Variants in POSTN observed in about 807,000 individuals in gnomAD.
POSTN encodes the protein periostin.
A neutral mutation model predicts 104.5 loss-of-function variants in POSTN; 71 were observed. The observed-to-expected ratio is 0.68, with a 90% CI of 0.56 to 0.83. POSTN has a LOEUF of 0.83. Among genes scored for constraint, POSTN ranks in the 40% least tolerant of loss-of-function variants. The pLI is 0.00. For missense variants in POSTN, 949 were observed against 1,006.8 expected (o/e 0.94, Z 0.78); for synonymous variants, 355 against 340.7 (o/e 1.04, Z -0.46).
chr13:37,575,417 T>C lies in POSTN; in HGVS notation c.2009-765A>G, dbSNP rs568465769. 4.8e-4 allele frequency among the ~76,000 whole-genome samples: 73 copies of C among 152,150 alleles called. No individual in the cohort carries two copies. In the South Asian group the frequency reaches 0.014, roughly 30 times the overall value. On this transcript the variant is annotated intron_variant, in intron 16 of 22. Coordinates refer to ENST00000379747, the MANE Select transcript of POSTN (RefSeq NM_006475.3). ...AAGCCTAAACCCCAGCATTACTCAA[T>C]ATATCCATCTATCAAACCTACGTGT...
intron 12 of POSTN, 41 bp from the exon 13 acceptor site, chr13:37,579,400 C>CT: frequency 1.4e-6 from 2 of 1,473,958 alleles, no homozygotes; most frequent in Non-Finnish European, 9.4e-7. Context: ...AATAATATGA[C>CT]TTTTTGATAA....
At chr13:37,573,568 G>C (rs538121670) in intron 17 of POSTN, among the ~76,000 whole-genome samples, 18 of 151,302 alleles carry the variant, frequency 1.2e-4, no homozygotes, top group African/African-American at 4.4e-4. Flanking sequence ...ATAGATAAAA[G>C]TATTCAAGAA....
chr13:37,595,811 CTTT>C (rs5802886), intron 2 of POSTN, among the ~76,000 whole-genome samples: 6 of 137,580 alleles, frequency 4.4e-5, no homozygotes, highest in Non-Finnish European at 4.7e-5. Context: ...TATTTAGTAT[CTTT>C]TTTTTTTTTT....
rs1950495740 is a variant in POSTN at position 37,578,857 on chromosome 13, T to C, written c.1949A>G (p.Tyr650Cys). The change falls in exon 15 of 23, where the codon TAC becomes TGC. Residue 650 changes from tyrosine (Y) to cysteine (C), a missense_variant. By Grantham distance (194) the Tyr-to-Cys change is radical. Transcript: ENST00000379747. ...AACTTTTAGTACCTTAATTTGGATG[T>C]ATTTGATTAATTTATTAAGTATTTC... ...LLEILNKLIKYIQIKFVRGST... is the reference protein window; with the variant it reads ...LLEILNKLIKCIQIKFVRGST... 6.3e-7 allele frequency: 1 copy of C among 1,582,452 alleles called. No individual in the cohort carries two copies. The highest frequency in any genetic ancestry group is 8.5e-7 in the Non-Finnish European group (1 of 1,170,618).
chr13:37,589,059 G>A (rs577230919), intron 4 of POSTN, among the ~76,000 whole-genome samples: 1 of 152,192 alleles, frequency 6.6e-6, no homozygotes, highest in South Asian at 2.1e-4. Flanking sequence ...TGCCAATTGT[G>A]GGGAAAAGAC....
intron 17 of POSTN, 62 bp from the exon 18 acceptor site, chr13:37,571,520 T>G: frequency 1.6e-6 from 2 of 1,237,100 alleles, no homozygotes; most frequent in Non-Finnish European, 2.3e-6. Flanking sequence ...TTTACCGGAA[T>G]AGGACATTTA....
Position 37,579,374 on chromosome 13 carries a change from A to G in POSTN, c.1661-15T>C, listed in dbSNP as rs1435278569. ...ATTTTTGTCCCCTAGGGGAAAATAT[A>G]TGTTTATTTTTATTGAATAATATGA... On this transcript the variant is annotated splice_polypyrimidine_tract_variant and intron_variant, in intron 12 of 22. Coordinates refer to ENST00000379747, the MANE Select transcript of POSTN (RefSeq NM_006475.3). 2 of 1,536,304 alleles carry G rather than the reference A, an allele frequency of 1.3e-6. No homozygotes were observed. The highest frequency in any genetic ancestry group is 1.8e-5 in the Admixed American group (1 of 57,052).
chr13:37,573,967 A>G (rs1950329714), intron 17 of POSTN, among the ~76,000 whole-genome samples: 2 of 151,574 alleles, frequency 1.3e-5, no homozygotes, highest in South Asian at 4.1e-4. Context: ...TGTATAATAT[A>G]TACGTCTGTA....
chr13:37,563,928 T>C (rs1470718691), intron 22 of POSTN, among the ~76,000 whole-genome samples: 13 of 151,980 alleles, frequency 8.6e-5, no homozygotes. Context: ...GTAATGCACA[T>C]GTGATATATA....
At chr13:37,575,899 T>C (rs1351338259) in intron 16 of POSTN, among the ~76,000 whole-genome samples, 1 of 152,180 alleles carries the variant, frequency 6.6e-6, no homozygotes, top group Non-Finnish European at 1.5e-5. Context: ...GAAGAACCTT[T>C]CCATGAAAGT....
chr13:37,573,410 G>GA (rs901215160), intron 17 of POSTN, among the ~76,000 whole-genome samples: 1 of 149,530 alleles, frequency 6.7e-6, no homozygotes, highest in African/African-American at 2.4e-5. Flanking sequence ...TTTTTTTCAA[G>GA]AAAAAAACAA....
At chr13:37,581,071 G>C (rs1593339608) in intron 10 of POSTN, among the ~76,000 whole-genome samples, 1 of 152,038 alleles carries the variant, frequency 6.6e-6, no homozygotes, top group Non-Finnish European at 1.5e-5. Flanking sequence ...AGTGCTTTTA[G>C]TGATCTTCAC....
At chr13:37,563,435 T>C in intron 22 of POSTN, 65 bp from the exon 23 acceptor site, 1 of 1,095,594 alleles carries the variant, frequency 9.1e-7, no homozygotes, top group Non-Finnish European at 1.3e-6. Context: ...TTTAAGAATA[T>C]ATTATTCTCT....
At chr13:37,569,615 C>T (rs578236404) in intron 20 of POSTN, 129 bp downstream of exon 20, 2 of 891,204 alleles carry the variant, frequency 2.2e-6, no homozygotes, top group Non-Finnish European at 3.7e-6. Context: ...TATTCTTGTG[C>T]TTTTTTCTTG....
At chr13:37,569,188 C>CTT in intron 21 of POSTN, 112 bp downstream of exon 21, 10 of 567,878 alleles carry the variant, frequency 1.8e-5, no homozygotes, top group South Asian at 2.4e-5. Context: ...TGGATGTTGT[C>CTT]TTTTTTTTTT....
intron 7 of POSTN, 78 bp from the exon 8 acceptor site, chr13:37,585,006 T>G: frequency 1.9e-6 from 3 of 1,544,964 alleles, no homozygotes; most frequent in Non-Finnish European, 2.6e-6. Flanking sequence ...TGTTTCACTG[T>G]GGAACTAAGT....
chr13:37,566,229 T>C (rs756501316), intron 21 of POSTN, among the ~76,000 whole-genome samples: 1 of 152,190 alleles, frequency 6.6e-6, no homozygotes, highest in Non-Finnish European at 1.5e-5. Context: ...CAGCAAAACA[T>C]GGGAAGATAA....
chr13:37,569,960 A>G (rs935047455), intron 19 of POSTN, 139 bp from the exon 20 acceptor site: 49 of 620,298 alleles, frequency 7.9e-5, no homozygotes, highest in Non-Finnish European at 1.3e-4. Context: ...TCAGTGTGAA[A>G]GCAGCCTTAG....
chr13:37,571,215 G>T (rs1950253465), intron 18 of POSTN, 154 bp downstream of exon 18: 2 of 542,078 alleles, frequency 3.7e-6, no homozygotes, highest in Non-Finnish European at 6.4e-6. Context: ...TTTCTGACCA[G>T]CTAATAAGAA....
Sources: allele counts gnomAD v4.1 joint callset (sites outside exome capture counted in the v4.1 genomes callset), GRCh38; gene constraint gnomAD v4.1.1; transcripts MANE v1.5; gene names NCBI Gene and HGNC (gene_info 2026-07-23, HGNC 2026-07-21).